The following TTC17 variants were observed in gnomAD, a reference collection of about 807,000 sequenced individuals.
TTC17 encodes tetratricopeptide repeat domain 17, also known as tetratricopeptide repeat protein 17.
A neutral mutation model predicts 143.8 loss-of-function variants in TTC17; 58 were observed. The observed-to-expected ratio is 0.40, with a 90% CI of 0.33 to 0.50. The LOEUF is 0.50. TTC17 is among the 20% of genes least tolerant of loss of function. The pLI is 0.49. For synonymous variants in TTC17, 501 were observed against 497.8 expected (o/e 1.01, Z -0.09); for missense variants, 1,273 against 1,392.5 (o/e 0.91, Z 1.37).
intron 21 of TTC17, among the ~76,000 whole-genome samples, chr11:43,487,202 G>A (rs1323605314): frequency 6.6e-6 from 1 of 152,260 alleles, no homozygotes; most frequent in Non-Finnish European, 1.5e-5. Context: ...CTGGAGTGTA[G>A]TGGCGCAATC....
Position 43,490,299 on chromosome 11 carries a change from G to T in TTC17, c.3091G>T (p.Gly1031Ter). ...CCTCTACTGGAGGGTGAAAGGCCAA[G>T]GAAAGAAGGCAATCGACTGCCTCCG... The part of the protein sequence containing the change: ...AALYWRVKGQ[G>*]KKAIDCLRQA... The change falls in exon 22 of 24, where the codon GGA becomes TGA. Residue 1031 changes from glycine (G) to a stop codon, truncating the protein, a stop_gained. Coordinates refer to ENST00000039989, the MANE Select transcript of TTC17 (RefSeq NM_018259.6). LOFTEE classifies it high-confidence loss of function. 1 of 1,613,030 alleles carries T rather than the reference G, an allele frequency of 6.2e-7. No homozygotes were observed. Among genetic ancestry groups the T allele is most frequent in the Non-Finnish European group, 8.5e-7 (1 of 1,179,364 alleles).
chr11:43,401,356 A>G, intron 9 of TTC17, 90 bp from the exon 10 acceptor site: 1 of 804,696 alleles, frequency 1.2e-6, no homozygotes. Flanking sequence ...TGAGGGATAC[A>G]GGGTTGATAC....
chr11:43,421,092 A>C (rs1946892589), intron 16 of TTC17, among the ~76,000 whole-genome samples: 1 of 152,198 alleles, frequency 6.6e-6, no homozygotes. Flanking sequence ...ATTCTAGTAG[A>C]GGGAAACAGA....
intron 1 of TTC17, among the ~76,000 whole-genome samples, chr11:43,362,220 C>G (rs1856145151): frequency 6.7e-6 from 1 of 148,952 alleles, no homozygotes; most frequent in East Asian, 2.0e-4. Context: ...AGGGTTTTAC[C>G]ATACTGGACA....
Position 43,451,214 on chromosome 11 carries a change from A to C in TTC17, c.2979A>C (p.Pro993=). The change falls in exon 21 of 24, where the codon CCA becomes CCC. Residue 993 remains proline, a synonymous_variant. Transcript: ENST00000039989. ...AAAATCTCGGCAAAGACCAATATCC[A>C]CAACAGTCGCTTGAACAGATTGGCA... ...VLQNLGKDQY[P]QQSLEQIGTR... 1 of 1,613,984 alleles carries C rather than the reference A, an allele frequency of 6.2e-7. No homozygotes were observed. The highest frequency in any genetic ancestry group is 8.5e-7 in the Non-Finnish European group (1 of 1,179,830).
At chr11:43,455,821 A>G (rs898410409) in intron 21 of TTC17, among the ~76,000 whole-genome samples, 4 of 152,148 alleles carry the variant, frequency 2.6e-5, no homozygotes, top group African/African-American at 7.2e-5. Flanking sequence ...ATGCTGCTAT[A>G]TTTCAGAGTA....
chr11:43,473,882 C>T (rs980237857), intron 21 of TTC17, among the ~76,000 whole-genome samples: 2 of 60,672 alleles, frequency 3.3e-5, no homozygotes, highest in African/African-American at 1.2e-4. Flanking sequence ...GACTCTGTCT[C>T]AAAAAAAAAA....
intron 1 of TTC17, among the ~76,000 whole-genome samples, chr11:43,374,631 A>G (rs1856693561): frequency 6.6e-6 from 1 of 152,154 alleles, no homozygotes; most frequent in Non-Finnish European, 1.5e-5. Context: ...AAGAAGACAT[A>G]CATGCAGCCA....
chr11:43,394,010 TCC>T (rs1312790746), intron 5 of TTC17, among the ~76,000 whole-genome samples: 2 of 152,204 alleles, frequency 1.3e-5, no homozygotes, highest in Admixed American at 6.5e-5. Flanking sequence ...ATCTGTCTCT[TCC>T]ATTTCTTATA....
intron 18 of TTC17, among the ~76,000 whole-genome samples, chr11:43,444,668 A>G (rs1839995493): frequency 6.6e-6 from 1 of 152,030 alleles, no homozygotes; most frequent in African/African-American, 2.4e-5. Context: ...AATATGAAAC[A>G]TACAGTATTT....
At chr11:43,472,082 C>T (rs1017937364) in intron 21 of TTC17, among the ~76,000 whole-genome samples, 5 of 152,114 alleles carry the variant, frequency 3.3e-5, no homozygotes, top group African/African-American at 1.2e-4. Context: ...ATCAGCCAGG[C>T]ACAGTGGATC....
At chr11:43,360,967 A>G (rs2134421644) in intron 1 of TTC17, among the ~76,000 whole-genome samples, 1 of 152,300 alleles carries the variant, frequency 6.6e-6, no homozygotes, top group Non-Finnish European at 1.5e-5. Flanking sequence ...AACATTTACA[A>G]TGTTATGTTC....
chr11:43,405,383 A>AT (rs1166896810), intron 11 of TTC17, 131 bp from the exon 12 acceptor site: 2 of 709,464 alleles, frequency 2.8e-6, no homozygotes, highest in African/African-American at 1.8e-5. Flanking sequence ...CAGGAATATT[A>AT]TAGAGTCTAC....
At chr11:43,372,909 G>A (rs925450146) in intron 1 of TTC17, among the ~76,000 whole-genome samples, 3 of 152,112 alleles carry the variant, frequency 2.0e-5, no homozygotes, top group Non-Finnish European at 4.4e-5. Flanking sequence ...ATTGACATAG[G>A]TCTGTATTTA....
chr11:43,482,909 A>G (rs1948314207), intron 21 of TTC17, among the ~76,000 whole-genome samples: 1 of 152,128 alleles, frequency 6.6e-6, no homozygotes, highest in South Asian at 2.1e-4. Flanking sequence ...AAGATGAACA[A>G]TCCAAAAGTT....
In TTC17 at chr11:43,394,938, G is replaced by A. The variant is rs1450198763; in HGVS notation, c.664-1771G>A. 4.6e-5 allele frequency among the ~76,000 whole-genome samples: 7 copies of A among 152,174 alleles called. No homozygotes were observed. In the South Asian group the frequency reaches 1.5e-3, roughly 32 times the overall value. On this transcript the variant is annotated intron_variant, in intron 5 of 23. Transcript: ENST00000039989. ...AATGGCAGAAAGTGGTCAAAGAAAG[G>A]AGGGAGTAGTTCACAGTAACATTAG...
At chr11:43,439,000 A>T (rs1387033223) in intron 16 of TTC17, among the ~76,000 whole-genome samples, 1 of 152,196 alleles carries the variant, frequency 6.6e-6, no homozygotes, top group Non-Finnish European at 1.5e-5. Context: ...GTTTTGTCTT[A>T]TGAGGCTAAC....
intron 1 of TTC17, 47 bp from the exon 2 acceptor site, chr11:43,379,186 C>T (rs775151627): frequency 7.9e-6 from 12 of 1,520,256 alleles, no homozygotes; most frequent in Admixed American, 6.8e-5. Context: ...TAATCCAAAC[C>T]AGCATTAATG....
chr11:43,441,938 C>T (rs372412078), intron 16 of TTC17, among the ~76,000 whole-genome samples: 24 of 152,224 alleles, frequency 1.6e-4, no homozygotes, highest in African/African-American at 4.8e-4. Context: ...TGTTGCTTAA[C>T]GACAGGGATA....
Sources: allele counts gnomAD v4.1 joint callset (sites outside exome capture counted in the v4.1 genomes callset), GRCh38; gene constraint gnomAD v4.1.1; transcripts MANE v1.5; gene names NCBI Gene and HGNC (gene_info 2026-07-23, HGNC 2026-07-21).